The following CFAP47 variants were observed in gnomAD, a reference collection of about 807,000 sequenced individuals.
The protein encoded by CFAP47 is cilia and flagella associated protein 47.
Under a neutral mutation model 148.1 loss-of-function variants are expected in CFAP47, and 29 were observed. That is an observed-to-expected ratio of 0.20 (90% CI 0.15 to 0.27). CFAP47 has a LOEUF of 0.27. Among genes scored for constraint, CFAP47 ranks in the 10% least tolerant of loss-of-function variants. The pLI is 1.00. For missense variants in CFAP47, 1,872 were observed against 1,697.5 expected, an observed-to-expected ratio of 1.10 and a Z score of -1.81; for synonymous variants, 664 against 577.3, an observed-to-expected ratio of 1.15 and a Z score of -2.15.
chrX:35,975,449 GTATAT>G lies in CFAP47; in HGVS notation c.2471+93_2471+97del, dbSNP rs1936555261. On this transcript the variant is annotated intron_variant, in intron 14 of 63. Transcript: ENST00000378653. ...ATTTATTTTCCTGAATAATTGTATT[GTATAT>G]TATATTTGTTCTCCAAACATAGAAG... 4.0e-5 allele frequency: 27 copies of G among 672,465 alleles called. No individual in the cohort carries two copies. The South Asian group carries it at 6.1e-4, about 15-fold the overall frequency. The allele number at this position is 672,465 out of a possible 1,213,427, so 55.4% of individuals were successfully genotyped here. A position where few individuals can be genotyped will look rare whatever the true frequency, so the allele number is the denominator to read the frequency against.
rs782734649 is a variant in CFAP47, at chrX:36,279,320, C to A, written c.7445-1167C>A. 3.6e-5 allele frequency among the ~76,000 whole-genome samples: 4 copies of A among 111,601 alleles called. No homozygotes were observed. In the Admixed American group the frequency reaches 3.8e-4, roughly 11 times the overall value. ...ACTTCAAGCTCTCTCTCTAAGGAGA[C>A]CACACTCCAAAAAAATAGAATTTAT... On this transcript the variant is annotated intron_variant, in intron 49 of 63. Coordinates refer to ENST00000378653, the MANE Select transcript of CFAP47 (RefSeq NM_001304548.2).
At chrX:36,019,705 T>C in intron 22 of CFAP47, among the ~76,000 whole-genome samples, 1 of 112,258 alleles carries the variant, frequency 8.9e-6, no homozygotes, top group Non-Finnish European at 1.9e-5. Flanking sequence ...CCTAGATTTT[T>C]CCAATTTATT....
At chrX:36,300,945 A>T (rs1941292753) in intron 52 of CFAP47, 127 bp from the exon 53 acceptor site, 2 of 430,298 alleles carry the variant, frequency 4.6e-6, no homozygotes, top group Non-Finnish European at 8.2e-6. Flanking sequence ...AGTATGTGTT[A>T]CAGAGTAGTT....
chrX:36,204,510 A>G (rs1940018739), intron 44 of CFAP47, among the ~76,000 whole-genome samples: 1 of 111,046 alleles, frequency 9.0e-6, no homozygotes, highest in Non-Finnish European at 1.9e-5. Flanking sequence ...GCACACCTAC[A>G]TGGCACATGT....
intron 25 of CFAP47, among the ~76,000 whole-genome samples, chrX:36,041,925 CAAAA>C (rs61099689): frequency 2.8e-3 from 86 of 30,577 alleles, no homozygotes; most frequent in African/African-American, 8.2e-3. Flanking sequence ...GACTCCATCT[CAAAA>C]AAAAAAAAAA....
intron 56 of CFAP47, among the ~76,000 whole-genome samples, chrX:36,313,442 C>T (rs1176750300): frequency 9.0e-6 from 1 of 110,839 alleles, no homozygotes; most frequent in Non-Finnish European, 1.9e-5. Context: ...GATAAACCGC[C>T]CCATAATCCA....
chrX:36,384,417 A>G (rs781832634), intron 63 of CFAP47, among the ~76,000 whole-genome samples: 29 of 112,056 alleles, frequency 2.6e-4, no homozygotes, highest in Non-Finnish European at 4.5e-4. Context: ...GCAGCTAAAT[A>G]TATTTTACCA....
chrX:36,159,358 C>T (rs1374613096), intron 37 of CFAP47, 68 bp from the exon 38 acceptor site: 7 of 292,207 alleles, frequency 2.4e-5, no homozygotes, highest in African/African-American at 1.6e-4. Context: ...ACATGGTCTA[C>T]ATTAAACAAA....
At chrX:36,170,454 G>A (rs745979687) in intron 39 of CFAP47, among the ~76,000 whole-genome samples, 13 of 100,971 alleles carry the variant, frequency 1.3e-4, no homozygotes, top group Admixed American at 3.2e-4. Context: ...CTCCTCCCCC[G>A]ACCCCACAAC....
chrX:36,028,321 AT>A (rs1937243961), intron 22 of CFAP47, among the ~76,000 whole-genome samples: 1 of 110,685 alleles, frequency 9.0e-6, no homozygotes, highest in South Asian at 3.8e-4. Context: ...TTTTTAATTA[AT>A]TTTTGTATAT....
intron 53 of CFAP47, 102 bp downstream of exon 53, chrX:36,301,281 A>T: frequency 2.1e-6 from 1 of 472,137 alleles, no homozygotes; most frequent in East Asian, 4.3e-5. Context: ...AAGAATAAAT[A>T]TATCTTTAGT....
At position 35,966,841 on chromosome X, in the gene CFAP47, A is replaced by T. The variant is rs10482240; in HGVS notation, c.1600+87A>T. ...TAATATACTAATTGCTTAATTACAC[A>T]CGCACATATATGTGAAAGAAGTGCT... is the stretch of plus-strand genomic sequence containing the variant. On this transcript the variant is annotated intron_variant, in intron 9 of 63. Coordinates refer to ENST00000378653, the MANE Select transcript of CFAP47 (RefSeq NM_001304548.2). 0.018 allele frequency: 11,460 copies of T among 654,801 alleles called. 958 individuals carry two copies. The African/African-American group carries it at 0.24, about 14-fold the overall frequency. The allele number at this position is 654,801 out of a possible 1,213,427, so 54.0% of individuals were successfully genotyped here. A position where few individuals can be genotyped will look rare whatever the true frequency, so the allele number is the denominator to read the frequency against.
intron 38 of CFAP47, 129 bp downstream of exon 38, chrX:36,159,705 G>A (rs1483384060): frequency 7.1e-6 from 2 of 281,883 alleles, no homozygotes; most frequent in Non-Finnish European, 1.2e-5. Context: ...ATGGATACTT[G>A]TGATTTAAGT....
chrX:36,170,267 T>C (rs1489134933), intron 39 of CFAP47, among the ~76,000 whole-genome samples: 1 of 112,075 alleles, frequency 8.9e-6, no homozygotes, highest in African/African-American at 3.2e-5. Flanking sequence ...TATAGAGGGA[T>C]AAATGTATGG....
chrX:36,385,003 A>C lies in CFAP47; in HGVS notation c.9561A>C (p.Gln3187His). ...TIKGAPLVKN[Q>H] is the part of the protein sequence containing the mutation. ...AGGGTGCTCCTTTGGTGAAGAATCA[A>C]TAAAATTTTTTTCCAAAATATTTCT... Residue 3187 changes from glutamine to histidine, a missense_variant, in exon 64 of 64, where the codon CAA becomes CAC. By Grantham distance (24) the Gln-to-His change is conservative. Transcript: ENST00000378653. The C allele has an allele frequency of 8.7e-7, 1 of 1,144,642 alleles. No homozygotes were observed. Among genetic ancestry groups the C allele is most frequent in the Non-Finnish European group, 1.2e-6 (1 of 853,154 alleles). 94.3% of individuals were successfully genotyped at this position (1,144,642 alleles called of 1,213,427 possible).
In CFAP47 at chrX:36,284,897, G is replaced by C. The variant is rs147990034; in HGVS notation, c.7589-732G>C. On this transcript the variant is annotated intron_variant, in intron 50 of 63. Coordinates refer to ENST00000378653, the MANE Select transcript of CFAP47 (RefSeq NM_001304548.2). The stretch of plus-strand genomic sequence containing the variant: ...AGGAAAACAAAAGAATATCAAAATG[G>C]GAAGCTGAACAGAGAGGAAAAACAA... Among the ~76,000 whole-genome samples, 13 of 111,124 alleles carry C rather than the reference G, an allele frequency of 1.2e-4. No individual in the cohort carries two copies. In the East Asian group the frequency reaches 1.7e-3, roughly 14 times the overall value.
At chrX:36,062,671 C>T (rs891938081) in intron 26 of CFAP47, among the ~76,000 whole-genome samples, 4 of 110,397 alleles carry the variant, frequency 3.6e-5, no homozygotes, top group South Asian at 3.8e-4. Context: ...TAGGAAAATC[C>T]GTAGACAGAT....
At chrX:36,058,570 CTTTATT>C (rs1937571843) in intron 26 of CFAP47, among the ~76,000 whole-genome samples, 1 of 111,702 alleles carries the variant, frequency 9.0e-6, no homozygotes, top group Non-Finnish European at 1.9e-5. Flanking sequence ...AATATGTGAA[CTTTATT>C]TTTATTAAGT....
chrX:36,056,412 C>T (rs1284244202), intron 26 of CFAP47, among the ~76,000 whole-genome samples: 4 of 111,593 alleles, frequency 3.6e-5, no homozygotes, highest in Non-Finnish European at 5.6e-5. Context: ...CAAAGGGCTT[C>T]GCAGACTTAC....
Sources: gnomAD v4.1 joint callset for allele counts (sites outside exome capture counted in the v4.1 genomes callset) on GRCh38, gnomAD v4.1.1 for gene constraint, MANE v1.5 for transcripts, NCBI Gene and HGNC (gene_info 2026-07-23, HGNC 2026-07-21) for gene names.